The following IFT122 variants were observed in gnomAD, a reference collection of about 807,000 sequenced individuals.
IFT122 encodes the protein intraflagellar transport protein 122 homolog.
A neutral mutation model predicts 161.6 loss-of-function variants in IFT122; 118 were observed. The ratio of observed to expected loss-of-function variants is 0.73; its 90% confidence interval spans 0.63 to 0.85. The LOEUF (loss-of-function observed/expected upper bound fraction) is 0.85, where lower values mean the gene tolerates loss of function less well. Ranked by LOEUF, IFT122 falls within the 40% of genes least tolerant of loss-of-function variation. The pLI, the probability that IFT122 is intolerant of heterozygous loss-of-function variation, is 0.00. For missense variants in IFT122, 1,381 were observed against 1,579.6 expected, an observed-to-expected ratio of 0.87 and a Z score of 2.13; for synonymous variants, 550 against 602.4, an observed-to-expected ratio of 0.91 and a Z score of 1.27.
Position 129,499,991 on chromosome 3 carries a change from C to A in IFT122, c.2298C>A (p.Ala766=), listed in dbSNP as rs1007388408. ...DWARNIKEPK[A]AVEMYISAGE... Reference sequence around the variant, plus strand: ...CCAGAAATATCAAGGAGCCCAAAGCCGCCGTGGAGATGTACATCTCAGCAG... The same window carrying A: ...CCAGAAATATCAAGGAGCCCAAAGCAGCCGTGGAGATGTACATCTCAGCAG... The change falls in exon 19 of 30, where the codon GCC becomes GCA. Residue 766 remains alanine, a synonymous_variant. Transcript: ENST00000348417. The A allele has an allele frequency of 1.9e-6, 3 of 1,614,154 alleles. No homozygotes were observed. The highest frequency in any genetic ancestry group is 1.6e-4 in the Middle Eastern group (1 of 6,062).
intron 19 of IFT122, among the ~76,000 whole-genome samples, chr3:129,500,522 G>A (rs912920930): frequency 1.2e-4 from 18 of 152,224 alleles, no homozygotes; most frequent in African/African-American, 3.4e-4. Context: ...TGCCAACTAC[G>A]CGTGTAATGG....
chr3:129,451,232 A>G (rs2074800797), intron 2 of IFT122, among the ~76,000 whole-genome samples: 1 of 152,028 alleles, frequency 6.6e-6, no homozygotes, highest in African/African-American at 2.4e-5. Context: ...CCGAGTAGCT[A>G]GGACTGTGGA....
intron 5 of IFT122, 162 bp from the exon 6 acceptor site, chr3:129,463,398 T>C: frequency 1.6e-6 from 1 of 620,882 alleles, no homozygotes; most frequent in South Asian, 1.8e-5. Context: ...GTTATATAAA[T>C]GGAATCGTAC....
chr3:129,481,944 A>C (rs551529570), intron 14 of IFT122, among the ~76,000 whole-genome samples: 72 of 152,328 alleles, frequency 4.7e-4, no homozygotes, highest in Non-Finnish European at 7.1e-4. Context: ...GAAGGCTCTG[A>C]GCCAGCAGAG....
intron 4 of IFT122, 66 bp from the exon 5 acceptor site, chr3:129,461,159 ATCT>A: frequency 3.9e-6 from 5 of 1,289,926 alleles, no homozygotes; most frequent in Non-Finnish European, 5.7e-6. Context: ...CATTATTAAA[ATCT>A]TCAGTTGTAG....
At chr3:129,459,037 C>G (rs1400443649) in intron 4 of IFT122, among the ~76,000 whole-genome samples, 1 of 152,174 alleles carries the variant, frequency 6.6e-6, no homozygotes, top group African/African-American at 2.4e-5. Flanking sequence ...CAGTGTGCTC[C>G]AGGCCTCCTC....
At chr3:129,461,354 C>A in intron 5 of IFT122, 50 bp downstream of exon 5, 1 of 1,311,218 alleles carries the variant, frequency 7.6e-7, no homozygotes, top group South Asian at 1.2e-5. Flanking sequence ...AAAATCTGGG[C>A]TAAAAATGCT....
At chr3:129,445,194 C>A (rs1032679386) in intron 1 of IFT122, among the ~76,000 whole-genome samples, 4 of 152,060 alleles carry the variant, frequency 2.6e-5, no homozygotes, top group Non-Finnish European at 5.9e-5. Context: ...GGTGTGGTGG[C>A]AGGCACCTGT....
rs767927606 is a variant in IFT122, at chr3:129,504,320, C to T, written c.2549C>T (p.Ala850Val). 3.7e-6 allele frequency: 6 copies of T among 1,612,784 alleles called. No homozygotes were observed. The South Asian group carries it at 6.6e-5, about 18-fold the overall frequency. The stretch of plus-strand genomic sequence containing the variant: ...GACTTCATTTGCTCCTTCCCCCAGG[C>T]CTTTGCTTTGGGTGAGAAGCATCCT... The part of the protein sequence containing the change: ...LHVETQRWDE[A>V]FALGEKHPEF... The change falls in exon 21 of 30, where the codon GCC becomes GTC. Residue 850 changes from alanine to valine, a missense_variant and splice_region_variant. This residue lies in a region of IFT122 where 496 missense variants were observed against 502.5 expected (regional missense o/e 0.99). Coordinates refer to ENST00000348417, the MANE Select transcript of IFT122 (RefSeq NM_052989.3).
chr3:129,440,670 C>G (rs942353660), intron 1 of IFT122, among the ~76,000 whole-genome samples: 1 of 152,234 alleles, frequency 6.6e-6, no homozygotes, highest in Non-Finnish European at 1.5e-5. Context: ...CGAGACAGCA[C>G]GAAGCTGCTC....
chr3:129,465,162 G>C (rs898100509), intron 7 of IFT122, among the ~76,000 whole-genome samples: 1 of 144,734 alleles, frequency 6.9e-6, no homozygotes, highest in Admixed American at 6.9e-5. Context: ...TGTGTGTGTG[G>C]TGTGTGAGTG....
chr3:129,444,551 C>A (rs2073735230), intron 1 of IFT122, among the ~76,000 whole-genome samples: 1 of 151,366 alleles, frequency 6.6e-6, no homozygotes, highest in African/African-American at 2.4e-5. Flanking sequence ...GAGACAGAGT[C>A]TCGCTCTGTT....
intron 15 of IFT122, among the ~76,000 whole-genome samples, chr3:129,484,066 T>TGA (rs1400445994): frequency 6.9e-6 from 1 of 145,592 alleles, no homozygotes; most frequent in African/African-American, 2.6e-5. Context: ...GATGTGTGTG[T>TGA]GAGAGAGAGG....
rs749379985 is a variant in IFT122, at chr3:129,463,571, C to G, written c.361C>G (p.Pro121Ala). 5.6e-6 allele frequency: 9 copies of G among 1,613,838 alleles called. No homozygotes were observed. Among genetic ancestry groups the G allele is most frequent in the South Asian group, 1.1e-5 (1 of 91,068 alleles). Residue 121 changes from proline to alanine, a missense_variant, in exon 6 of 30, where the codon CCT becomes GCT. This residue lies in a region of IFT122 where 3 missense variants were observed against 18.8 expected (regional missense o/e 0.16). Transcript: ENST00000348417. ...ATTGTGCATTGAAGGGTTGTGGTCT[C>G]CTGAACAGAAGTCTGTCTCCAAACA... is the stretch of plus-strand genomic sequence containing the variant. The part of the protein sequence containing the change: ...CSSSDFGLWS[P>A]EQKSVSKHKS...
At chr3:129,469,187 G>A (rs1559888751) in intron 8 of IFT122, among the ~76,000 whole-genome samples, 155 bp from the exon 9 acceptor site, 1 of 152,238 alleles carries the variant, frequency 6.6e-6, no homozygotes, top group African/African-American at 2.4e-5. Context: ...TGATTGATGG[G>A]TTGGGCCAAA....
In IFT122 at chr3:129,481,663, A is replaced by G. The variant is rs376806933; in HGVS notation, c.1622A>G (p.Tyr541Cys). 2 of 1,614,014 alleles carry G rather than the reference A, an allele frequency of 1.2e-6. No individual in the cohort carries two copies. The highest frequency in any genetic ancestry group is 1.7e-6 in the Non-Finnish European group (2 of 1,179,860). Residue 541 changes from tyrosine to cysteine, a missense_variant, in exon 14 of 30, where the codon TAT (tyrosine) becomes TGT (cysteine). Physicochemically the swap from Tyr to Cys is radical, Grantham distance 194 (BLOSUM62 -2). Around this residue, in one of 7 missense-constraint regions of IFT122, gnomAD observed 544 missense variants for 648.0 expected, o/e 0.84. Coordinates refer to ENST00000348417, the MANE Select transcript of IFT122 (RefSeq NM_052989.3). ...VVDENDTCLV[Y>C]DIDTKELLFQ... is the part of the protein sequence containing the mutation. ...GATGAAAATGACACTTGCCTGGTGT[A>G]TGACATCGACACCAAGGAGCTGCTT...
chr3:129,515,020 A>G (rs1372484774), intron 25 of IFT122: 1 of 365,448 alleles, frequency 2.7e-6, no homozygotes, highest in Non-Finnish European at 5.2e-6. Context: ...TCAAGCTCAG[A>G]GCAAGGACTT....
chr3:129,461,036 C>T (rs748604230), intron 4 of IFT122, 192 bp from the exon 5 acceptor site: 3 of 1,086,062 alleles, frequency 2.8e-6, no homozygotes, highest in Non-Finnish European at 2.8e-6. Flanking sequence ...AATAAGAAAA[C>T]AGTGGGTGAG....
At chr3:129,459,673 C>T (rs1203932033) in intron 4 of IFT122, among the ~76,000 whole-genome samples, 1 of 94,134 alleles carries the variant, frequency 1.1e-5, no homozygotes, top group East Asian at 3.4e-4. Context: ...TCCTTCCCTC[C>T]CTCCCTCCCT....
Sources: allele counts gnomAD v4.1 joint callset (sites outside exome capture counted in the v4.1 genomes callset), GRCh38; gene constraint gnomAD v4.1.1; regional missense constraint gnomAD v4.1.1; transcripts MANE v1.5; gene names NCBI Gene and HGNC (gene_info 2026-07-23, HGNC 2026-07-21).